The following HSD17B11 variants were observed in gnomAD, a reference collection of about 807,000 sequenced individuals.
The protein encoded by HSD17B11 is hydroxysteroid 17-beta dehydrogenase 11, also known as estradiol 17-beta-dehydrogenase 11.
In HSD17B11, 22 loss-of-function variants were observed where a neutral mutation model predicts 27.8. The observed-to-expected ratio is 0.79, with a 90% CI of 0.56 to 1.13. The LOEUF is 1.13. Among genes scored for constraint, HSD17B11 ranks in the 50% most tolerant of loss-of-function variants. HSD17B11 has a pLI of 0.00. For synonymous variants in HSD17B11, 117 were observed against 132.8 expected, an observed-to-expected ratio of 0.88 and a Z score of 0.82; for missense variants, 314 against 351.1, an observed-to-expected ratio of 0.89 and a Z score of 0.84.
chr4:87,371,366 A>G (rs1735712856), intron 4 of HSD17B11, among the ~76,000 whole-genome samples: 1 of 152,218 alleles, frequency 6.6e-6, no homozygotes, highest in Non-Finnish European at 1.5e-5. Flanking sequence ...AAGATCAAAA[A>G]TAGGCAAAAT....
intron 5 of HSD17B11, among the ~76,000 whole-genome samples, chr4:87,356,334 G>C (rs995087114): frequency 7.2e-5 from 11 of 152,188 alleles, no homozygotes; most frequent in African/African-American, 2.7e-4. Flanking sequence ...TTGCTGATTT[G>C]CTGTTAAAAA....
At chr4:87,338,178 T>C (rs902432466) in intron 6 of HSD17B11, among the ~76,000 whole-genome samples, 2 of 152,118 alleles carry the variant, frequency 1.3e-5, no homozygotes, top group Non-Finnish European at 2.9e-5. Context: ...GATCATGCCA[T>C]TGCGCTCCAG....
At chr4:87,366,510 T>A (rs1735615878) in intron 4 of HSD17B11, among the ~76,000 whole-genome samples, 1 of 152,218 alleles carries the variant, frequency 6.6e-6, no homozygotes, top group South Asian at 2.1e-4. Context: ...TTTGCTTTCT[T>A]TGGACTATAT....
At position 87,337,301 on chromosome 4, in the gene HSD17B11, A is replaced by G. The variant is rs753640740; in HGVS notation, c.878T>C (p.Ile293Thr). The change falls in exon 7 of 7, where the codon ATT (isoleucine) becomes ACT (threonine). Residue 293 changes from isoleucine to threonine, a missense_variant. Transcript: ENST00000358290. ...RKISVKFDAV[I>T]GYKMKAQ ...TTATTGCGCTTTCATTTTATATCCAATAACTGCATCAAACTTAACACTGAT... is the reference window on the plus strand; with the variant it reads ...TTATTGCGCTTTCATTTTATATCCAGTAACTGCATCAAACTTAACACTGAT... 4 of 1,606,230 alleles carry G rather than the reference A, an allele frequency of 2.5e-6. No individual in the cohort carries two copies. Among genetic ancestry groups the G allele is most frequent in the Non-Finnish European group, 3.4e-6 (4 of 1,173,768 alleles).
Position 87,391,159 on chromosome 4 carries a change from A to C in HSD17B11, c.-89T>G, listed in dbSNP as rs1204664586. 5.3e-6 allele frequency: 5 copies of C among 937,614 alleles called. No individual in the cohort carries two copies. The highest frequency in any genetic ancestry group is 1.7e-5 in the African/African-American group (1 of 59,448). 58.1% of individuals were successfully genotyped at this position (937,614 alleles called of 1,614,324 possible). A position where few individuals can be genotyped will look rare whatever the true frequency, so the allele number is the denominator to read the frequency against. Reference sequence around the variant, plus strand: ...AGAGGGTAGCTCGATCTAACACCAGAAAGAGTAGGGGCGAGAGCAAGGAGG... The same window carrying C: ...AGAGGGTAGCTCGATCTAACACCAGCAAGAGTAGGGGCGAGAGCAAGGAGG... On this transcript the variant is annotated 5_prime_UTR_variant, in exon 1 of 7. Transcript: ENST00000358290.
chr4:87,368,084 G>A (rs59193041), intron 4 of HSD17B11, among the ~76,000 whole-genome samples: 5,388 of 152,158 alleles, frequency 0.035, 338 homozygotes, highest in African/African-American at 0.12. Context: ...TTGGGGGGCC[G>A]AGGCGGGTGG....
chr4:87,337,663 T>C (rs1160530785), intron 6 of HSD17B11, among the ~76,000 whole-genome samples: 5 of 152,146 alleles, frequency 3.3e-5, no homozygotes, highest in Non-Finnish European at 7.3e-5. Flanking sequence ...CTAAAGACTT[T>C]ACAAAAAGAA....
intron 1 of HSD17B11, chr4:87,386,051 T>C (rs1314413024): frequency 1.3e-5 from 2 of 152,182 alleles, no homozygotes; most frequent in African/African-American, 2.4e-5. Flanking sequence ...TTATTACTGG[T>C]TGGCTTTCTG....
chr4:87,346,783 T>C (rs1471214885), intron 5 of HSD17B11, among the ~76,000 whole-genome samples: 1 of 152,056 alleles, frequency 6.6e-6, no homozygotes, highest in Non-Finnish European at 1.5e-5. Flanking sequence ...CTAAGCTGGG[T>C]GTGGCAGCTC....
chr4:87,386,102 C>T (rs1243963747), intron 1 of HSD17B11, among the ~76,000 whole-genome samples: 2 of 152,050 alleles, frequency 1.3e-5, no homozygotes, highest in East Asian at 3.9e-4. Context: ...TATATGGATG[C>T]AAAGATACCC....
chr4:87,360,791 C>T (rs1239419581), intron 4 of HSD17B11, among the ~76,000 whole-genome samples: 1 of 152,098 alleles, frequency 6.6e-6, no homozygotes, highest in Non-Finnish European at 1.5e-5. Context: ...TTCCTTGCAA[C>T]TGAAAGAGTG....
At chr4:87,383,335 T>C (rs1221983575) in intron 1 of HSD17B11, among the ~76,000 whole-genome samples, 1 of 152,052 alleles carries the variant, frequency 6.6e-6, no homozygotes, top group African/African-American at 2.4e-5. Flanking sequence ...TTGGCTGATG[T>C]ATGGAGGGTG....
intron 5 of HSD17B11, among the ~76,000 whole-genome samples, chr4:87,344,494 A>C (rs1250646810): frequency 6.6e-6 from 1 of 152,242 alleles, no homozygotes; most frequent in Non-Finnish European, 1.5e-5. Context: ...AATATTATAC[A>C]TGAAGCAAAA....
chr4:87,346,414 C>T lies in HSD17B11; in HGVS notation c.696-5808G>A, dbSNP rs11930151. On this transcript the variant is annotated intron_variant, in intron 5 of 6. Coordinates refer to ENST00000358290, the MANE Select transcript of HSD17B11 (RefSeq NM_016245.5). ...CTGTAATCCCAACACTTTGGGAGGCCGAGGCAGGCGGATCGCTTGAGGTCA... is the reference window on the plus strand; with the variant it reads ...CTGTAATCCCAACACTTTGGGAGGCTGAGGCAGGCGGATCGCTTGAGGTCA... 8.3e-3 allele frequency among the ~76,000 whole-genome samples: 1,258 copies of T among 152,098 alleles called. 12 individuals are homozygous for T. Among genetic ancestry groups the T allele is most frequent in the African/African-American group, 0.028 (1,179 of 41,460 alleles).
intron 5 of HSD17B11, among the ~76,000 whole-genome samples, chr4:87,343,299 A>G (rs7697871): frequency 0.034 from 5,200 of 152,292 alleles, 324 homozygotes; most frequent in African/African-American, 0.12. Flanking sequence ...CAGTATGTGG[A>G]AACATTTTTT....
intron 5 of HSD17B11, among the ~76,000 whole-genome samples, chr4:87,354,630 G>A (rs1463254618): frequency 6.3e-5 from 9 of 142,930 alleles, no homozygotes; most frequent in African/African-American, 1.3e-4. Flanking sequence ...GTGACAGAGC[G>A]AATCCTTGTC....
chr4:87,361,762 G>A (rs1735521361), intron 4 of HSD17B11, among the ~76,000 whole-genome samples: 1 of 152,010 alleles, frequency 6.6e-6, no homozygotes, highest in Non-Finnish European at 1.5e-5. Context: ...GCGAGACTCT[G>A]TCTCAAAAAT....
intron 2 of HSD17B11, among the ~76,000 whole-genome samples, chr4:87,378,898 A>T (rs1162151318): frequency 5.9e-5 from 1 of 16,830 alleles, no homozygotes; most frequent in Non-Finnish European, 8.7e-5. Context: ...ATATATAAAT[A>T]TATATAAATA....
At chr4:87,380,033 CCCAGGAGGCGGAGGTT>C (rs1720095200) in intron 2 of HSD17B11, among the ~76,000 whole-genome samples, 3 of 146,790 alleles carry the variant, frequency 2.0e-5, no homozygotes, top group African/African-American at 7.8e-5. Context: ...ATTGCTTGAA[CCCAGGAGGCGGAGGTT>C]GCAGTGAGCC....
Sources: allele counts gnomAD v4.1 joint callset (sites outside exome capture counted in the v4.1 genomes callset), GRCh38; gene constraint gnomAD v4.1.1; transcripts MANE v1.5; gene names NCBI Gene and HGNC (gene_info 2026-07-23, HGNC 2026-07-21).